Variants in DOCK5 observed in about 807,000 individuals in gnomAD.
DOCK5 encodes dedicator of cytokinesis 5, also known as dedicator of cytokinesis protein 5.
DOCK5 carries 142 observed loss-of-function variants against 251.8 expected under a neutral mutation model. The observed-to-expected ratio is 0.56, with a 90% CI of 0.49 to 0.65. The LOEUF is 0.65. Ranked by LOEUF, DOCK5 falls within the 30% of genes least tolerant of loss-of-function variation. DOCK5 has a pLI of 0.00. For missense variants in DOCK5, 2,111 were observed against 2,312.3 expected (o/e 0.91, Z 1.79); for synonymous variants, 842 against 835.5 (o/e 1.01, Z -0.13).
chr8:25,197,575 C>CTTTTTTTTTTT lies in DOCK5; in HGVS notation c.43+12641_43+12651dup, dbSNP rs541455591. ...CTCTCTTTAAGGATCGTGTCTTTGT[C>CTTTTTTTTTTT]TTTTTTTTTTTTTTTTTTTTTTTTT... On this transcript the variant is annotated intron_variant, in intron 1 of 51. Coordinates refer to ENST00000276440, the MANE Select transcript of DOCK5 (RefSeq NM_024940.8). Among the ~76,000 whole-genome samples the CTTTTTTTTTTT allele has an allele frequency of 2.6e-4, 28 of 108,268 alleles. 4 individuals carry two copies. Among genetic ancestry groups the CTTTTTTTTTTT allele is most frequent in the African/African-American group, 7.8e-4 (19 of 24,294 alleles). The allele number at this position is 108,268 out of a possible 152,430, so 71.0% of individuals were successfully genotyped here.
chr8:25,283,275 T>C (rs1236090216), intron 5 of DOCK5, among the ~76,000 whole-genome samples: 2 of 152,010 alleles, frequency 1.3e-5, no homozygotes, highest in Admixed American at 1.3e-4. Context: ...CCCCAGTGGG[T>C]GTTGGCCTTA....
chr8:25,337,811 T>C (rs1805853135), intron 22 of DOCK5, among the ~76,000 whole-genome samples: 1 of 151,938 alleles, frequency 6.6e-6, no homozygotes, highest in African/African-American at 2.4e-5. Context: ...GGTCTCGATC[T>C]CCTGACCTCG....
intron 37 of DOCK5, 58 bp from the exon 38 acceptor site, chr8:25,377,247 A>G: frequency 6.5e-7 from 1 of 1,545,518 alleles, no homozygotes; most frequent in Non-Finnish European, 8.7e-7. Flanking sequence ...TATTTTCTTG[A>G]TGTTGGGGGG....
chr8:25,215,560 G>A (rs1802222884), intron 1 of DOCK5, among the ~76,000 whole-genome samples: 1 of 152,086 alleles, frequency 6.6e-6, no homozygotes, highest in Admixed American at 6.5e-5. Flanking sequence ...TGACTCTCGG[G>A]AGGGCACAGA....
At chr8:25,231,665 T>C (rs1802671953) in intron 1 of DOCK5, among the ~76,000 whole-genome samples, 1 of 152,198 alleles carries the variant, frequency 6.6e-6, no homozygotes, top group African/African-American at 2.4e-5. Context: ...TTGTAATTAA[T>C]ATGCCTTTTA....
intron 27 of DOCK5, among the ~76,000 whole-genome samples, chr8:25,355,509 G>A (rs890077213): frequency 1.1e-4 from 17 of 152,176 alleles, no homozygotes; most frequent in Middle Eastern, 3.2e-3. Flanking sequence ...GAGTGCAGGG[G>A]TGCTATCTCG....
intron 41 of DOCK5, among the ~76,000 whole-genome samples, chr8:25,389,753 T>C (rs1188950178): frequency 6.6e-6 from 1 of 152,180 alleles, no homozygotes; most frequent in Admixed American, 6.5e-5. Context: ...TTGTTGTGTA[T>C]AGTAGAGATA....
rs1801661619 is a variant in DOCK5, at chr8:25,413,276, CTTTTTTTTTCT to C, written c.*1980_*1990del. On this transcript the variant is annotated 3_prime_UTR_variant, in exon 52 of 52. Coordinates refer to ENST00000276440, the MANE Select transcript of DOCK5 (RefSeq NM_024940.8). ...GAACTCTCTAAGAGCATTACTCATA[CTTTTTTTTTCT>C]TCCAAGGTAGTTTGGAATGTGAGTG... 6.6e-6 allele frequency: 1 copy of C among 151,782 alleles called. No homozygotes were observed. Among genetic ancestry groups the C allele is most frequent in the Non-Finnish European group, 1.5e-5 (1 of 67,900 alleles). 9.4% of individuals were successfully genotyped at this position (151,782 alleles called of 1,614,324 possible). A position where few individuals can be genotyped will look rare whatever the true frequency, so the allele number is the denominator to read the frequency against.
intron 17 of DOCK5, among the ~76,000 whole-genome samples, chr8:25,324,432 C>A (rs1805507743): frequency 6.6e-6 from 1 of 152,238 alleles, no homozygotes; most frequent in East Asian, 1.9e-4. Flanking sequence ...CCAACTGATG[C>A]TGAGCTCCCA....
At chr8:25,357,069 A>T (rs73562326) in intron 27 of DOCK5, among the ~76,000 whole-genome samples, 15 of 151,774 alleles carry the variant, frequency 9.9e-5, no homozygotes, top group Non-Finnish European at 1.9e-4. Context: ...TAGTAGAAAA[A>T]TGAGTAAAGA....
chr8:25,349,730 T>G (rs1297820844), intron 26 of DOCK5, among the ~76,000 whole-genome samples: 1 of 152,178 alleles, frequency 6.6e-6, no homozygotes, highest in Non-Finnish European at 1.5e-5. Flanking sequence ...TGCAAAGGCT[T>G]AAGAGTGATA....
intron 48 of DOCK5, among the ~76,000 whole-genome samples, chr8:25,406,428 C>T (rs1168481566): frequency 6.6e-6 from 1 of 152,128 alleles, no homozygotes; most frequent in Non-Finnish European, 1.5e-5. Context: ...TTCCATAATA[C>T]AATAATTACA....
intron 7 of DOCK5, among the ~76,000 whole-genome samples, chr8:25,297,456 G>T (rs1242795059): frequency 6.6e-6 from 1 of 151,956 alleles, no homozygotes; most frequent in Admixed American, 6.6e-5. Context: ...CTTTCACCAT[G>T]TTGGCCAGGC....
At chr8:25,301,871 T>C (rs1475321846) in intron 9 of DOCK5, among the ~76,000 whole-genome samples, 1 of 152,220 alleles carries the variant, frequency 6.6e-6, no homozygotes, top group African/African-American at 2.4e-5. Flanking sequence ...AGTTGCCTCA[T>C]GGGCTTGTTT....
intron 1 of DOCK5, among the ~76,000 whole-genome samples, chr8:25,215,349 G>A (rs1046368388): frequency 6.6e-6 from 1 of 152,066 alleles, no homozygotes; most frequent in Admixed American, 6.6e-5. Flanking sequence ...GGGGTGGGGG[G>A]ATGTCTTTTC....
chr8:25,347,182 G>GT (rs1259738993), intron 26 of DOCK5, among the ~76,000 whole-genome samples: 1 of 152,136 alleles, frequency 6.6e-6, no homozygotes, highest in Non-Finnish European at 1.5e-5. Context: ...GTCCACCACC[G>GT]TTTGACTACA....
intron 6 of DOCK5, among the ~76,000 whole-genome samples, chr8:25,295,791 T>C (rs1385072723): frequency 2.0e-5 from 3 of 151,938 alleles, no homozygotes; most frequent in Non-Finnish European, 4.4e-5. Context: ...TTGTGAAGTG[T>C]ATATAGGAGG....
At chr8:25,207,811 T>G (rs1156232144) in intron 1 of DOCK5, among the ~76,000 whole-genome samples, 1 of 152,226 alleles carries the variant, frequency 6.6e-6, no homozygotes, top group Non-Finnish European at 1.5e-5. Flanking sequence ...GATCAAGGGA[T>G]AATTTTGACT....
rs1272989579 is a variant in DOCK5, at chr8:25,211,650, A to T, written c.43+26699A>T. Among the ~76,000 whole-genome samples the T allele has an allele frequency of 5.9e-5, 4 of 67,892 alleles. 1 individual carries two copies. The highest frequency in any genetic ancestry group is 1.9e-4 in the Non-Finnish European group (4 of 20,964). 44.5% of individuals were successfully genotyped at this position (67,892 alleles called of 152,430 possible). A position where few individuals can be genotyped will look rare whatever the true frequency, so the allele number is the denominator to read the frequency against. On this transcript the variant is annotated intron_variant, in intron 1 of 51. Coordinates refer to ENST00000276440, the MANE Select transcript of DOCK5 (RefSeq NM_024940.8). The stretch of plus-strand genomic sequence containing the variant: ...AGAGAGACCACATCTCTGCAAAAAC[A>T]TTAAAAAATTAGTCTGGTGCAGTGG...
Sources: allele counts gnomAD v4.1 joint callset (sites outside exome capture counted in the v4.1 genomes callset), GRCh38; gene constraint gnomAD v4.1.1; transcripts MANE v1.5; gene names NCBI Gene and HGNC (gene_info 2026-07-23, HGNC 2026-07-21).